EYS: variants seen among roughly 807,000 people sequenced by gnomAD.
The protein encoded by EYS is EGF-like photoreceptor maintenance factor.
A neutral mutation model predicts 282.1 loss-of-function variants in EYS; 250 were observed. That is an observed-to-expected ratio of 0.89 (90% CI 0.80 to 0.98). EYS has a LOEUF of 0.98. Ranked by LOEUF, EYS falls within the 50% of genes least tolerant of loss-of-function variation. The pLI is 0.00. For missense variants in EYS, 4,016 were observed against 3,709.0 expected (o/e 1.08, Z -2.15); for synonymous variants, 1,355 against 1,282.9 (o/e 1.06, Z -1.20).
chr6:64,127,093 GTCTT>G (rs1187508778), intron 31 of EYS, among the ~76,000 whole-genome samples: 1 of 152,094 alleles, frequency 6.6e-6, no homozygotes, highest in African/African-American at 2.4e-5. Flanking sequence ...TATTTAATCT[GTCTT>G]TCACTAGGAA....
intron 12 of EYS, among the ~76,000 whole-genome samples, chr6:65,089,885 T>C (rs1283528563): frequency 1.4e-5 from 2 of 148,090 alleles, no homozygotes; most frequent in Non-Finnish European, 3.0e-5. Context: ...GAATCTGGGA[T>C]GCAGAGGTTG....
At chr6:63,907,560 C>T (rs1246446444) in intron 35 of EYS, among the ~76,000 whole-genome samples, 3 of 152,130 alleles carry the variant, frequency 2.0e-5, no homozygotes, top group African/African-American at 7.2e-5. Context: ...TTCCTCTTTA[C>T]GACAGTCCAA....
intron 5 of EYS, among the ~76,000 whole-genome samples, chr6:65,453,479 GTAGT>G (rs1039946128): frequency 1.8e-4 from 28 of 152,076 alleles, no homozygotes; most frequent in African/African-American, 6.3e-4. Context: ...CCCAATCAGG[GTAGT>G]TAGTGTATCT....
At chr6:64,260,981 G>A (rs1241372129) in intron 30 of EYS, among the ~76,000 whole-genome samples, 1 of 79,116 alleles carries the variant, frequency 1.3e-5, no homozygotes, top group Non-Finnish European at 3.0e-5. Context: ...TGAAATCAGA[G>A]TAACTAGAGT....
intron 33 of EYS, among the ~76,000 whole-genome samples, chr6:64,020,683 T>C (rs778415860): frequency 3.4e-4 from 52 of 152,188 alleles, no homozygotes; most frequent in Non-Finnish European, 1.2e-4. Context: ...TTACTACTTA[T>C]GATAAAAAGA....
intron 13 of EYS, among the ~76,000 whole-genome samples, chr6:65,044,430 A>G (rs1773037327): frequency 6.6e-6 from 1 of 151,486 alleles, no homozygotes; most frequent in African/African-American, 2.4e-5. Flanking sequence ...GTGCTTTTGG[A>G]GTCATATACA....
intron 35 of EYS, among the ~76,000 whole-genome samples, chr6:63,871,780 A>T (rs1283432265): frequency 6.6e-6 from 1 of 151,614 alleles, no homozygotes; most frequent in African/African-American, 2.4e-5. Context: ...AACTGGGGGG[A>T]TGTTAAGCTT....
intron 29 of EYS, among the ~76,000 whole-genome samples, chr6:64,338,932 T>A (rs1187804836): frequency 6.6e-6 from 1 of 151,156 alleles, no homozygotes; most frequent in African/African-American, 2.4e-5. Flanking sequence ...GCTAGCCACA[T>A]ATAGGAGAAT....
chr6:65,567,542 C>A (rs1764320552), intron 2 of EYS, among the ~76,000 whole-genome samples: 2 of 152,022 alleles, frequency 1.3e-5, no homozygotes, highest in Non-Finnish European at 2.9e-5. Context: ...TGAATGTCTT[C>A]TAATATTCCA....
At chr6:64,798,605 T>TG (rs1294890720) in intron 22 of EYS, among the ~76,000 whole-genome samples, 3 of 131,050 alleles carry the variant, frequency 2.3e-5, no homozygotes, top group Admixed American at 1.7e-4. Flanking sequence ...TCTTTGTTTC[T>TG]GGTTTTTTTT....
chr6:64,806,688 T>TAAC (rs1764439262), intron 22 of EYS, among the ~76,000 whole-genome samples: 1 of 151,432 alleles, frequency 6.6e-6, no homozygotes, highest in African/African-American at 2.4e-5. Flanking sequence ...AATATGGAGA[T>TAAC]AACGACCAAG....
At chr6:65,294,026 A>C (rs1768597693) in intron 12 of EYS, among the ~76,000 whole-genome samples, 1 of 151,782 alleles carries the variant, frequency 6.6e-6, no homozygotes. Context: ...GGAGAAATCA[A>C]ATGGAAAGGG....
intron 29 of EYS, among the ~76,000 whole-genome samples, chr6:64,383,772 C>A (rs1025592960): frequency 2.0e-5 from 3 of 152,092 alleles, no homozygotes; most frequent in Non-Finnish European, 4.4e-5. Flanking sequence ...TTACAAAACC[C>A]AAAAGTGTTG....
chr6:64,465,732 TA>T (rs34941005), intron 26 of EYS, among the ~76,000 whole-genome samples: 102 of 143,762 alleles, frequency 7.1e-4, no homozygotes, highest in Admixed American at 1.1e-3. Flanking sequence ...GCCAAAAAAG[TA>T]AAAAAAAAAA....
intron 24 of EYS, among the ~76,000 whole-genome samples, chr6:64,594,260 C>G (rs994572570): frequency 6.6e-6 from 1 of 152,106 alleles, no homozygotes; most frequent in Non-Finnish European, 1.5e-5. Context: ...GACCAGGTGG[C>G]TTTACTGCTG....
intron 22 of EYS, among the ~76,000 whole-genome samples, chr6:64,648,402 A>G (rs1487674680): frequency 1.3e-5 from 2 of 152,188 alleles, no homozygotes; most frequent in African/African-American, 4.8e-5. Context: ...TTCTGTCTCT[A>G]TTGGTTGAAA....
chr6:64,645,430 C>G (rs1484023088), intron 22 of EYS, among the ~76,000 whole-genome samples: 1 of 152,188 alleles, frequency 6.6e-6, no homozygotes, highest in Non-Finnish European at 1.5e-5. Context: ...GGAAATTCAC[C>G]AGAAGACCAT....
At chr6:64,183,585 A>G (rs1262325009) in intron 31 of EYS, among the ~76,000 whole-genome samples, 1 of 152,224 alleles carries the variant, frequency 6.6e-6, no homozygotes, top group Non-Finnish European at 1.5e-5. Flanking sequence ...ATAAAAATCT[A>G]GAAGTTTGGT....
chr6:63,970,281 G>C (rs184833749), intron 35 of EYS, among the ~76,000 whole-genome samples: 4 of 152,132 alleles, frequency 2.6e-5, no homozygotes, highest in African/African-American at 9.7e-5. Flanking sequence ...TGAGCAAGGC[G>C]TCCTGTGCTG....
Sources: gnomAD v4.1 joint callset for allele counts (sites outside exome capture counted in the v4.1 genomes callset) on GRCh38, gnomAD v4.1.1 for gene constraint, MANE v1.5 for transcripts, NCBI Gene and HGNC (gene_info 2026-07-23, HGNC 2026-07-21) for gene names.